The following SUPT3H variants were observed in gnomAD, a reference collection of about 807,000 sequenced individuals.
SUPT3H encodes the protein SPT3 homolog, SAGA and STAGA complex component.
In SUPT3H, 44 loss-of-function variants were observed where a neutral mutation model predicts 44.3. The ratio of observed to expected loss-of-function variants is 0.99; its 90% CI spans 0.78 to 1.28. The LOEUF (loss-of-function observed/expected upper bound fraction) is 1.28. Ranked by LOEUF, SUPT3H falls within the 50% of genes most tolerant of loss-of-function variation. The pLI, the probability that SUPT3H is intolerant of heterozygous loss-of-function variation, is 0.00. For missense variants in SUPT3H, 380 were observed against 387.1 expected, an observed-to-expected ratio of 0.98 and a Z score of 0.15; for synonymous variants, 124 against 125.6, an observed-to-expected ratio of 0.99 and a Z score of 0.09.
chr6:44,914,651 G>A (rs369165330), intron 10 of SUPT3H, among the ~76,000 whole-genome samples: 3 of 152,258 alleles, frequency 2.0e-5, no homozygotes, highest in African/African-American at 7.2e-5. Flanking sequence ...CATTAAGTTT[G>A]AGGGGCCTAA....
At chr6:45,338,533 T>A (rs1284175794) in intron 2 of SUPT3H, among the ~76,000 whole-genome samples, 1 of 152,066 alleles carries the variant, frequency 6.6e-6, no homozygotes. Context: ...TAGCTGCCAG[T>A]AGGTAAAACA....
At chr6:45,045,155 T>C (rs530896127) in intron 3 of SUPT3H, among the ~76,000 whole-genome samples, 3 of 152,178 alleles carry the variant, frequency 2.0e-5, no homozygotes, top group Non-Finnish European at 2.9e-5. Context: ...TAAAACAGAC[T>C]ACAGATACTG....
At chr6:45,088,419 T>C (rs1796740181) in intron 3 of SUPT3H, among the ~76,000 whole-genome samples, 1 of 152,040 alleles carries the variant, frequency 6.6e-6, no homozygotes, top group Non-Finnish European at 1.5e-5. Flanking sequence ...TTGGCTGCCA[T>C]TAATCCTGTT....
chr6:44,948,365 G>T, intron 9 of SUPT3H, among the ~76,000 whole-genome samples: 1 of 152,172 alleles, frequency 6.6e-6, no homozygotes, highest in Non-Finnish European at 1.5e-5. Flanking sequence ...AAAAGCAATG[G>T]CAACAGAAGC....
intron 3 of SUPT3H, among the ~76,000 whole-genome samples, chr6:45,101,183 T>C (rs1410144407): frequency 1.3e-5 from 2 of 152,220 alleles, no homozygotes; most frequent in Non-Finnish European, 2.9e-5. Context: ...CCCAGCACTT[T>C]GGGAGGCCAA....
intron 2 of SUPT3H, among the ~76,000 whole-genome samples, chr6:45,355,379 TA>T (rs1456034055): frequency 2.6e-5 from 4 of 152,060 alleles, no homozygotes; most frequent in South Asian, 2.1e-4. Flanking sequence ...TGAGGAAGTA[TA>T]AAAAATACTT....
intron 2 of SUPT3H, among the ~76,000 whole-genome samples, chr6:45,198,067 C>T (rs1816379134): frequency 1.3e-5 from 2 of 151,230 alleles, no homozygotes; most frequent in Admixed American, 1.3e-4. Flanking sequence ...ATCTTTTGGT[C>T]TGCTGAACAA....
At chr6:44,954,013 C>G (rs557648513) in intron 8 of SUPT3H, among the ~76,000 whole-genome samples, 1 of 152,170 alleles carries the variant, frequency 6.6e-6, no homozygotes, top group Non-Finnish European at 1.5e-5. Flanking sequence ...GTTGGGATTA[C>G]AGGCAAGAGC....
At position 45,043,140 on chromosome 6, in the gene SUPT3H, CAT is replaced by C. The variant is rs1265426253; in HGVS notation, c.187-22510_187-22509del. ...GGGAGCCTTGTATCTTACATACACACATACACACACACACACACACACACACA... is the reference window on the plus strand; with the variant it reads ...GGGAGCCTTGTATCTTACATACACACACACACACACACACACACACACACA... On this transcript the variant is annotated intron_variant, in intron 3 of 10. Transcript: ENST00000371459. Among the ~76,000 whole-genome samples, 7 of 93,276 alleles carry C rather than the reference CAT, an allele frequency of 7.5e-5. No homozygotes were observed. The East Asian group carries it at 1.1e-3, about 15-fold the overall frequency. 61.2% of individuals were successfully genotyped at this position (93,276 alleles called of 152,430 possible).
intron 3 of SUPT3H, among the ~76,000 whole-genome samples, chr6:45,049,220 G>A (rs1375459602): frequency 2.0e-5 from 3 of 152,052 alleles, no homozygotes; most frequent in Non-Finnish European, 4.4e-5. Flanking sequence ...AAAGAAGGAT[G>A]CCAAGAGTTC....
intron 10 of SUPT3H, among the ~76,000 whole-genome samples, chr6:44,837,422 A>G (rs541103634): frequency 1.3e-5 from 2 of 152,334 alleles, no homozygotes; most frequent in African/African-American, 4.8e-5. Context: ...AATAATGGGA[A>G]ATGCTGATGT....
At chr6:44,839,836 G>A (rs1313479987) in intron 10 of SUPT3H, among the ~76,000 whole-genome samples, 3 of 152,062 alleles carry the variant, frequency 2.0e-5, no homozygotes, top group African/African-American at 4.8e-5. Context: ...CGAGTAGCTG[G>A]GACTACAGGT....
At chr6:44,928,882 C>CAAAAAAAAAAAAAAAAAAAAAAAA (rs35656937) in intron 10 of SUPT3H, among the ~76,000 whole-genome samples, 1 of 20,634 alleles carries the variant, frequency 4.8e-5, no homozygotes, top group Non-Finnish European at 7.5e-5. Context: ...GACTCCGTCT[C>CAAAAAAAAAAAAAAAAAAAAAAAA]AAAAAAAAAA....
chr6:45,349,426 T>C (rs76338915), intron 2 of SUPT3H, among the ~76,000 whole-genome samples: 4,477 of 152,314 alleles, frequency 0.029, 92 homozygotes, highest in Non-Finnish European at 0.047. Context: ...GATGACATTA[T>C]ATAAAAGCAC....
rs956190814 is a variant in SUPT3H at position 44,995,996 on chromosome 6, A to G, written c.504+7657T>C. Among the ~76,000 whole-genome samples the G allele has an allele frequency of 1.2e-4, 19 of 152,022 alleles. No individual in the cohort carries two copies. The East Asian group carries it at 3.7e-3, about 29-fold the overall frequency. The stretch of plus-strand genomic sequence containing the variant: ...AATATTCCCTTATCATCAGGTAAAC[A>G]GGGTTCTCAGCCCATTTCCAATACT... On this transcript the variant is annotated intron_variant, in intron 6 of 10. Transcript: ENST00000371459.
In SUPT3H at chr6:45,309,599, T is replaced by C. The variant is rs185775847; in HGVS notation, c.101+55602A>G. ...TCTTATTTAAATAAATAGCAGAAAA[T>C]GTCCCAAATCTGAAGAAGATATAAA... On this transcript the variant is annotated intron_variant, in intron 2 of 10. Coordinates refer to ENST00000371459, the MANE Select transcript of SUPT3H (RefSeq NM_003599.4). 8.1e-4 allele frequency among the ~76,000 whole-genome samples: 122 copies of C among 151,550 alleles called. 1 individual carries two copies. The highest frequency in any genetic ancestry group is 2.2e-3 in the African/African-American group (90 of 41,310).
At chr6:45,259,559 A>G (rs1774004511) in intron 2 of SUPT3H, among the ~76,000 whole-genome samples, 1 of 152,146 alleles carries the variant, frequency 6.6e-6, no homozygotes, top group Admixed American at 6.6e-5. Context: ...GAAAACAGCA[A>G]TGATGTGGTG....
chr6:44,841,192 A>T (rs1256310985), intron 10 of SUPT3H, among the ~76,000 whole-genome samples: 1 of 152,222 alleles, frequency 6.6e-6, no homozygotes, highest in Non-Finnish European at 1.5e-5. Flanking sequence ...AGCAAGCAAG[A>T]ATGTCCTAAC....
chr6:45,065,377 AC>A (rs1361120820), intron 3 of SUPT3H, among the ~76,000 whole-genome samples: 1 of 140,400 alleles, frequency 7.1e-6, no homozygotes, highest in Non-Finnish European at 1.6e-5. Context: ...CAAAATTGAC[AC>A]CCTAACATCA....
Sources: allele counts gnomAD v4.1 joint callset (sites outside exome capture counted in the v4.1 genomes callset), GRCh38; gene constraint gnomAD v4.1.1; transcripts MANE v1.5; gene names NCBI Gene and HGNC (gene_info 2026-07-23, HGNC 2026-07-21).